The following TFEC variants were observed in gnomAD, a reference collection of about 807,000 sequenced individuals.
TFEC encodes transcription factor EC, also known as class E basic helix-loop-helix protein 34.
A neutral mutation model predicts 41.6 loss-of-function variants in TFEC; 31 were observed. The ratio of observed to expected loss-of-function variants is 0.74; its 90% CI spans 0.56 to 1.01. TFEC has a LOEUF of 1.01. Ranked by LOEUF, TFEC falls within the 50% of genes least tolerant of loss-of-function variation. The pLI is 0.00. For missense variants in TFEC, 402 were observed against 404.1 expected, an observed-to-expected ratio of 0.99 and a Z score of 0.04; for synonymous variants, 143 against 140.6, an observed-to-expected ratio of 1.02 and a Z score of -0.12.
chr7:116,130,730 A>G (rs769743875), intron 1 of TFEC, among the ~76,000 whole-genome samples: 2 of 152,188 alleles, frequency 1.3e-5, no homozygotes, highest in Non-Finnish European at 2.9e-5. Context: ...CTCCCACCTC[A>G]GCCTCCCATG....
rs375919726 is a variant in TFEC at position 116,148,988 on chromosome 7, T to C, written c.-69+10802A>G. ...GGGTAAATGGATCCAGAAAGAATGA[T>C]TGATAGAGTAAAAAGGAAAACCGAA... is the stretch of plus-strand genomic sequence containing the variant. On this transcript the variant is annotated intron_variant, in intron 1 of 8. Coordinates refer to the TFEC transcript ENST00000484212. Among the ~76,000 whole-genome samples, 43 of 151,700 alleles carry C rather than the reference T, an allele frequency of 2.8e-4. 1 individual carries two copies. The highest frequency in any genetic ancestry group is 9.7e-4 in the African/African-American group (40 of 41,400).
chr7:116,086,046 C>T (rs982037749), intron 3 of TFEC, among the ~76,000 whole-genome samples: 1 of 151,486 alleles, frequency 6.6e-6, no homozygotes, highest in Non-Finnish European at 1.5e-5. Flanking sequence ...TTTTAGAATG[C>T]CATTTATTCT....
chr7:116,057,365 A>G (rs1796454251), intron 3 of TFEC, among the ~76,000 whole-genome samples: 1 of 152,052 alleles, frequency 6.6e-6, no homozygotes, highest in African/African-American at 2.4e-5. Flanking sequence ...CACATTATGT[A>G]CAGAAAAACA....
chr7:116,088,864 G>C (rs148849071), intron 3 of TFEC, among the ~76,000 whole-genome samples: 1 of 151,966 alleles, frequency 6.6e-6, no homozygotes, highest in South Asian at 2.1e-4. Flanking sequence ...ACAGATGTGG[G>C]CAGAGAGGGA....
chr7:116,007,969 C>T (rs867352022), intron 1 of TFEC, among the ~76,000 whole-genome samples: 1 of 152,166 alleles, frequency 6.6e-6, no homozygotes, highest in Non-Finnish European at 1.5e-5. Context: ...AGAGTTTGTG[C>T]TTTGTTAAAA....
chr7:115,943,458 G>A (rs1793612737), intron 6 of TFEC, among the ~76,000 whole-genome samples: 2 of 151,858 alleles, frequency 1.3e-5, no homozygotes, highest in Admixed American at 1.3e-4. Flanking sequence ...CATATTTGAA[G>A]TTTAAAGTAC....
At chr7:115,975,838 T>G (rs1562904825) in intron 2 of TFEC, among the ~76,000 whole-genome samples, 1 of 152,126 alleles carries the variant, frequency 6.6e-6, no homozygotes, top group African/African-American at 2.4e-5. Context: ...TAGGAACAAG[T>G]TCAACATGTT....
chr7:116,016,029 C>T (rs746737403), intron 1 of TFEC, among the ~76,000 whole-genome samples: 91 of 152,156 alleles, frequency 6.0e-4, no homozygotes, highest in Non-Finnish European at 1.1e-3. Flanking sequence ...ACTTGAGGAG[C>T]ATCAATATCC....
intron 6 of TFEC, among the ~76,000 whole-genome samples, chr7:115,948,650 C>G (rs1283897818): frequency 2.0e-5 from 3 of 151,548 alleles, no homozygotes; most frequent in African/African-American, 7.3e-5. Context: ...ATTCAACAAC[C>G]CTTCATGCTA....
chr7:116,116,599 G>A (rs938999078), intron 1 of TFEC, among the ~76,000 whole-genome samples: 7 of 151,972 alleles, frequency 4.6e-5, no homozygotes, highest in South Asian at 2.1e-4. Context: ...ATACATTCAC[G>A]CATTTATTCA....
chr7:115,945,607 G>C (rs1367062233), intron 6 of TFEC, among the ~76,000 whole-genome samples: 1 of 151,712 alleles, frequency 6.6e-6, no homozygotes, highest in Admixed American at 6.6e-5. Context: ...TCCACGTATA[G>C]ACATATTCAA....
At chr7:115,974,386 A>G (rs1362334939) in intron 2 of TFEC, 130 bp from the exon 3 acceptor site, 2 of 200,810 alleles carry the variant, frequency 1.0e-5, no homozygotes, top group African/African-American at 2.5e-5. Flanking sequence ...TTATATATAC[A>G]TATATATAAA....
chr7:116,136,823 T>C (rs1199525689), intron 1 of TFEC, among the ~76,000 whole-genome samples: 3 of 152,148 alleles, frequency 2.0e-5, no homozygotes, highest in East Asian at 3.9e-4. Context: ...AATTTTAGTG[T>C]CATTTAAGAT....
At chr7:116,104,333 G>A (rs1479662946) in intron 3 of TFEC, among the ~76,000 whole-genome samples, 1 of 152,070 alleles carries the variant, frequency 6.6e-6, no homozygotes, top group Non-Finnish European at 1.5e-5. Context: ...ATTTCACAGG[G>A]TATTAGATGC....
rs768664218 is a variant in TFEC, at chr7:115,984,394, T to G, written c.48A>C (p.Gln16His). The change falls in exon 2 of 8, where the codon CAA becomes CAC. Residue 16 changes from glutamine (Q) to histidine (H), a missense_variant. Coordinates refer to ENST00000265440, the MANE Select transcript of TFEC (RefSeq NM_012252.4). ...QIINPTLKWS[Q>H]PAVPSGGPLV... ...GAGGCCCACCACTTGGCACTGCAGG[T>G]TGTGACCATTTAAGAGTTGGATTGA... 1.2e-6 allele frequency: 2 copies of G among 1,614,150 alleles called. No individual in the cohort carries two copies. The highest frequency in any genetic ancestry group is 1.7e-6 in the Non-Finnish European group (2 of 1,179,996).
At chr7:116,119,056 G>A (rs1036980436) in intron 1 of TFEC, among the ~76,000 whole-genome samples, 2 of 151,916 alleles carry the variant, frequency 1.3e-5, no homozygotes, top group African/African-American at 4.8e-5. Context: ...TTCCTGAGCA[G>A]CATTGATCTT....
intron 1 of TFEC, among the ~76,000 whole-genome samples, chr7:116,015,051 C>G (rs931448742): frequency 6.6e-6 from 1 of 151,364 alleles, no homozygotes; most frequent in Non-Finnish European, 1.5e-5. Flanking sequence ...AATTTTGTTA[C>G]AGCAGCAATA....
chr7:116,041,670 G>A lies in TFEC; in HGVS notation c.199-57157C>T, dbSNP rs139030797. 2.7e-3 allele frequency among the ~76,000 whole-genome samples: 407 copies of A among 152,228 alleles called. 5 individuals carry two copies. The highest frequency in any genetic ancestry group is 9.1e-3 in the African/African-American group (379 of 41,518). On this transcript the variant is annotated intron_variant, in intron 3 of 8. Coordinates refer to the TFEC transcript ENST00000484212. ...CCTGTGTATAGATCTTGCTAATCAC[G>A]TAGAAAACTCTACTTCATTGTCTGA... is the stretch of plus-strand genomic sequence containing the variant.
chr7:115,984,985 T>C (rs541969671), intron 1 of TFEC, among the ~76,000 whole-genome samples: 9 of 152,196 alleles, frequency 5.9e-5, no homozygotes, highest in African/African-American at 1.7e-4. Context: ...TAGAAATATA[T>C]GTACAAAATA....
Sources: allele counts gnomAD v4.1 joint callset (sites outside exome capture counted in the v4.1 genomes callset), GRCh38; gene constraint gnomAD v4.1.1; transcripts MANE v1.5; gene names NCBI Gene and HGNC (gene_info 2026-07-23, HGNC 2026-07-21).